METTL21C: variants seen among roughly 807,000 people sequenced by gnomAD.
The protein encoded by METTL21C is protein-lysine methyltransferase METTL21C.
A neutral mutation model predicts 25.9 loss-of-function variants in METTL21C; 21 were observed. That is an observed-to-expected ratio of 0.81 (90% CI 0.58 to 1.17). METTL21C has a LOEUF of 1.17. METTL21C is among the 50% of genes most tolerant of loss of function. METTL21C has a pLI of 0.00. For missense variants in METTL21C, 312 were observed against 315.1 expected (o/e 0.99, Z 0.07); for synonymous variants, 125 against 124.7 (o/e 1.00, Z -0.01).
chr13:102,700,335 G>GGAGAATA, the METTL21C span, among the ~76,000 whole-genome samples: 6 of 152,238 alleles, frequency 3.9e-5, no homozygotes, highest in Admixed American at 6.5e-5. Context: ...TATGCACTTT[G>GGAGAATA]GAGAATAGAC....
At chr13:102,703,525 A>G in the METTL21C span, among the ~76,000 whole-genome samples, 1 of 152,226 alleles carries the variant, frequency 6.6e-6, no homozygotes, top group South Asian at 2.1e-4. Flanking sequence ...AGATGAATGT[A>G]AACTGGGAAA....
intron 2 of METTL21C, among the ~76,000 whole-genome samples, chr13:102,690,226 GC>G (rs1595244026): frequency 6.6e-6 from 1 of 152,128 alleles, no homozygotes; most frequent in East Asian, 1.9e-4. Context: ...TTCAAGACCA[GC>G]CTGGCCAATA....
At chr13:102,690,792 C>A in intron 2 of METTL21C, 21 bp downstream of exon 2, 1 of 1,610,134 alleles carries the variant, frequency 6.2e-7, no homozygotes, top group Non-Finnish European at 8.5e-7. Flanking sequence ...CCTGACATCA[C>A]AAATATGACA....
rs575166022 is a variant in METTL21C at position 102,685,785 on chromosome 13, C to G, written c.*246G>C. The G allele has an allele frequency of 2.2e-5, 9 of 404,244 alleles. No homozygotes were observed. In the East Asian group the frequency reaches 3.8e-4, roughly 17 times the overall value. 25.0% of individuals were successfully genotyped at this position (404,244 alleles called of 1,614,324 possible). On this transcript the variant is annotated 3_prime_UTR_variant, in exon 4 of 4. Transcript: ENST00000267273. ...GTAAGATTTATTAAACATGTAACTT[C>G]GTTGGAACCAACAAAGCTACTTTCA... is the stretch of plus-strand genomic sequence containing the variant.
the METTL21C span, among the ~76,000 whole-genome samples, chr13:102,701,676 G>T: frequency 2.6e-5 from 4 of 152,206 alleles, no homozygotes; most frequent in Admixed American, 2.6e-4. Flanking sequence ...CTTGTCAAAT[G>T]ATTATTCTAC....
intron 1 of METTL21C, among the ~76,000 whole-genome samples, chr13:102,692,491 T>G (rs1287430943): frequency 1.3e-5 from 2 of 152,248 alleles, no homozygotes; most frequent in Non-Finnish European, 2.9e-5. Flanking sequence ...GTATTTTATA[T>G]GTCTGTATAT....
rs781756632 is a variant in METTL21C, at chr13:102,690,828, C to A, written c.267G>T (p.Ala89=). The A allele has an allele frequency of 6.2e-7, 1 of 1,613,960 alleles. No individual in the cohort carries two copies. The highest frequency in any genetic ancestry group is 1.1e-5 in the South Asian group (1 of 91,072). Residue 89 remains alanine (A), a synonymous_variant, in exon 2 of 4, where the codon GCG becomes GCT. Coordinates refer to ENST00000267273, the MANE Select transcript of METTL21C (RefSeq NM_001010977.3). ...GTTCTCTCACCCCTGGCCACACCACCGCTCCGTAACTCTCTATGGATTCCT... is the reference window on the plus strand; with the variant it reads ...GTTCTCTCACCCCTGGCCACACCACAGCTCCGTAACTCTCTATGGATTCCT... ...VIQESIESYG[A]VVWPGAMALC... is the part of the protein sequence containing the mutation.
chr13:102,703,217 G>A, the METTL21C span, among the ~76,000 whole-genome samples: 2 of 152,262 alleles, frequency 1.3e-5, no homozygotes, highest in African/African-American at 4.8e-5. Flanking sequence ...AGCTTCACGT[G>A]CTGCCCTTCT....
chr13:102,686,993 A>AT lies in METTL21C; in HGVS notation c.346dup (p.Ile116AsnfsTer3). 1 of 1,614,130 alleles carries AT rather than the reference A, an allele frequency of 6.2e-7. No homozygotes were observed. The highest frequency in any genetic ancestry group is 8.5e-7 in the Non-Finnish European group (1 of 1,179,986). On this transcript the variant is annotated frameshift_variant, in exon 3 of 4. Transcript: ENST00000267273. LOFTEE classifies it high-confidence loss of function. ...GCCTGGTCCGGCACCAATTTCAAGT[A>AT]TTTTTGCATCTTGGAAATTCAATTC...
At position 102,690,861 on chromosome 13, in the gene METTL21C, A is replaced by G. The variant is rs143893431; in HGVS notation, c.234T>C (p.Ile78=). ...QEHYRFAGKE[I]VIQESIESYG... ...AACTCTCTATGGATTCCTGGATGAC[A>G]ATCTCCTTTCCTGCAAACCGATAAT... Residue 78 remains isoleucine, a synonymous_variant, in exon 2 of 4, where the codon ATT becomes ATC. Transcript: ENST00000267273. 1.8e-4 allele frequency: 286 copies of G among 1,614,058 alleles called. No homozygotes were observed. Among genetic ancestry groups the G allele is most frequent in the Non-Finnish European group, 2.2e-4 (260 of 1,180,022 alleles).
upstream of METTL21C, among the ~76,000 whole-genome samples, chr13:102,698,869 G>A (rs1012343374): frequency 6.6e-6 from 1 of 152,202 alleles, no homozygotes. Context: ...GAGATATAAA[G>A]GGTCCAGGGC....
rs1378146115 is a variant in METTL21C, at chr13:102,686,382, G to T, written c.444C>A (p.Asn148Lys). ...TGTTTTTTAAAAGATTGTATTGAAGGTTTCCCAGGACATCAGGCAAATCTG... is the reference window on the plus strand; with the variant it reads ...TGTTTTTTAAAAGATTGTATTGAAGTTTTCCCAGGACATCAGGCAAATCTG... ...TATDLPDVLG[N>K]LQYNLLKNTL... Residue 148 changes from asparagine (N) to lysine (K), a missense_variant, in exon 4 of 4, where the codon AAC (asparagine) becomes AAA (lysine). Coordinates refer to ENST00000267273, the MANE Select transcript of METTL21C (RefSeq NM_001010977.3). 1 of 1,613,646 alleles carries T rather than the reference G, an allele frequency of 6.2e-7. No homozygotes were observed. The highest frequency in any genetic ancestry group is 2.2e-5 in the East Asian group (1 of 44,894).
chr13:102,702,194 C>CATAT, the METTL21C span, among the ~76,000 whole-genome samples: 13 of 134,980 alleles, frequency 9.6e-5, no homozygotes, highest in African/African-American at 4.6e-4. Flanking sequence ...TATATATATA[C>CATAT]ATATATATAT....
At chr13:102,698,767 C>T (rs1435596927), upstream of METTL21C, among the ~76,000 whole-genome samples, 1 of 152,188 alleles carries the variant, frequency 6.6e-6, no homozygotes, top group African/African-American at 2.4e-5. Flanking sequence ...TCATTAAACT[C>T]TTTCTCTGCT....
At chr13:102,699,145 G>C (rs1482887381), upstream of METTL21C, among the ~76,000 whole-genome samples, 1 of 152,102 alleles carries the variant, frequency 6.6e-6, no homozygotes, top group Non-Finnish European at 1.5e-5. Flanking sequence ...AAAAAGCAAG[G>C]GTTATAATAG....
At chr13:102,692,857 C>G (rs1011826536) in intron 1 of METTL21C, among the ~76,000 whole-genome samples, 19 of 152,044 alleles carry the variant, frequency 1.2e-4, no homozygotes, top group African/African-American at 4.1e-4. Flanking sequence ...GGAGGGAGCC[C>G]TGTAGCTTTC....
At chr13:102,702,584 A>G in the METTL21C span, among the ~76,000 whole-genome samples, 3 of 147,258 alleles carry the variant, frequency 2.0e-5, no homozygotes, top group Non-Finnish European at 4.4e-5. Flanking sequence ...CTGTACAAAA[A>G]CAGGATTTTT....
At chr13:102,686,583 T>G (rs1194281362) in intron 3 of METTL21C, among the ~76,000 whole-genome samples, 158 bp from the exon 4 acceptor site, 1 of 152,148 alleles carries the variant, frequency 6.6e-6, no homozygotes, top group Non-Finnish European at 1.5e-5. Context: ...CTAATTCTTG[T>G]GGGTGGTCCG....
At chr13:102,689,182 G>A (rs902847922) in intron 2 of METTL21C, among the ~76,000 whole-genome samples, 15 of 152,016 alleles carry the variant, frequency 9.9e-5, no homozygotes, top group East Asian at 3.9e-4. Flanking sequence ...CTCTTGCCTC[G>A]GCTTCTGAAA....
Sources: gnomAD v4.1 joint callset for allele counts (sites outside exome capture counted in the v4.1 genomes callset) on GRCh38, gnomAD v4.1.1 for gene constraint, MANE v1.5 for transcripts, NCBI Gene and HGNC (gene_info 2026-07-23, HGNC 2026-07-21) for gene names.